Variants in KMT2C observed in about 807,000 individuals in gnomAD.
The protein encoded by KMT2C is histone-lysine N-methyltransferase 2C.
Under a neutral mutation model 507.9 loss-of-function variants are expected in KMT2C, and 88 were observed. That is an observed-to-expected ratio of 0.17 (90% CI 0.15 to 0.21). The LOEUF (loss-of-function observed/expected upper bound fraction) is 0.21, where lower values mean the gene tolerates loss of function less well. Ranked by LOEUF, KMT2C falls within the 10% of genes least tolerant of loss-of-function variation. The pLI is 1.00. For synonymous variants in KMT2C, 2,049 were observed against 2,080.8 expected (o/e 0.98, Z 0.42); for missense variants, 4,954 against 5,957.8 (o/e 0.83, Z 5.55).
chr7:152,424,425 T>G (rs1022236896), intron 1 of KMT2C, among the ~76,000 whole-genome samples: 28 of 152,132 alleles, frequency 1.8e-4, no homozygotes, highest in Non-Finnish European at 3.2e-4. Flanking sequence ...AATCTTTTTT[T>G]TGTGTGTGAG....
chr7:152,365,298 G>A (rs1179235576), intron 1 of KMT2C, among the ~76,000 whole-genome samples: 1 of 152,166 alleles, frequency 6.6e-6, no homozygotes, highest in Non-Finnish European at 1.5e-5. Flanking sequence ...ATCACCTGAG[G>A]TCGAGTTCGA....
intron 1 of KMT2C, among the ~76,000 whole-genome samples, chr7:152,398,823 A>C (rs1422772716): frequency 6.6e-6 from 1 of 151,952 alleles, no homozygotes; most frequent in Non-Finnish European, 1.5e-5. Context: ...AACACACATA[A>C]TGAGTACTCA....
chr7:152,237,356 G>A (rs1189622199), intron 15 of KMT2C, among the ~76,000 whole-genome samples: 1 of 152,202 alleles, frequency 6.6e-6, no homozygotes, highest in Non-Finnish European at 1.5e-5. Flanking sequence ...CCCTTTGGAT[G>A]TAACAAATAC....
Position 152,179,666 on chromosome 7 carries a change from G to T in KMT2C, c.7442+168C>A, listed in dbSNP as rs569646736. On this transcript the variant is annotated intron_variant, in intron 37 of 58. Transcript: ENST00000262189. ...TAAATTTGTTGAAGAGGTTGGGGGG[G>T]GGGGGGGGTGGTCTCACTATATTGC... Among the ~76,000 whole-genome samples the T allele has an allele frequency of 3.6e-4, 52 of 144,064 alleles. 1 individual carries two copies. The highest frequency in any genetic ancestry group is 3.5e-3 in the Middle Eastern group (1 of 282). 94.5% of individuals were successfully genotyped at this position (144,064 alleles called of 152,430 possible).
At chr7:152,140,311 T>C (rs2090393571) in intron 55 of KMT2C, among the ~76,000 whole-genome samples, 2 of 152,272 alleles carry the variant, frequency 1.3e-5, no homozygotes, top group South Asian at 2.1e-4. Context: ...GCTGTAAATA[T>C]CAGGAATGTT....
In KMT2C at chr7:152,385,466, G is replaced by T. The variant is rs1360762875; in HGVS notation, c.162-26791C>A. ...TCTCTACTAAAAATACAAAAAATTAGCCGGGCGTAGTGGCGGGCGCCTGTA... is the reference window on the plus strand; with the variant it reads ...TCTCTACTAAAAATACAAAAAATTATCCGGGCGTAGTGGCGGGCGCCTGTA... On this transcript the variant is annotated intron_variant, in intron 1 of 58. Transcript: ENST00000262189. Among the ~76,000 whole-genome samples, 2 of 133,040 alleles carry T rather than the reference G, an allele frequency of 1.5e-5. 1 individual carries two copies. Among genetic ancestry groups the T allele is most frequent in the African/African-American group, 7.5e-5 (2 of 26,702 alleles). The allele number at this position is 133,040 out of a possible 152,430, so 87.3% of individuals were successfully genotyped here. A position where few individuals can be genotyped will look rare whatever the true frequency, so the allele number is the denominator to read the frequency against.
chr7:152,293,059 C>G (rs1356171470), intron 6 of KMT2C, among the ~76,000 whole-genome samples: 1 of 152,042 alleles, frequency 6.6e-6, no homozygotes, highest in African/African-American at 2.4e-5. Context: ...CTTATACTAC[C>G]GAATAGAAAG....
intron 58 of KMT2C, chr7:152,137,151 C>CG (rs35113586): frequency 0.074 from 35,504 of 482,898 alleles, 4,188 homozygotes; most frequent in African/African-American, 0.36. Flanking sequence ...GATCTGAGAA[C>CG]GGGAGCCTGA....
In KMT2C at chr7:152,392,746, T is replaced by C. The variant is rs185594604; in HGVS notation, c.162-34071A>G. Among the ~76,000 whole-genome samples the C allele has an allele frequency of 3.2e-3, 485 of 152,144 alleles. 2 individuals are homozygous for C. Among genetic ancestry groups the C allele is most frequent in the African/African-American group, 0.011 (465 of 41,540 alleles). On this transcript the variant is annotated intron_variant, in intron 1 of 58. Coordinates refer to ENST00000262189, the MANE Select transcript of KMT2C (RefSeq NM_170606.3). ...AGTAATGGAGTTAAGGCTCAAAAAC[T>C]CTTCAGTATCTGATGAGAAAGCTCA...
At chr7:152,259,477 CACACACACACACAG>C (rs917899872) in intron 9 of KMT2C, among the ~76,000 whole-genome samples, 32 of 149,374 alleles carry the variant, frequency 2.1e-4, no homozygotes, top group Non-Finnish European at 3.9e-4. Flanking sequence ...CACACACACA[CACACACACACACAG>C]AGAAAGCAAG....
At chr7:152,166,766 G>C (rs2092747202) in intron 42 of KMT2C, among the ~76,000 whole-genome samples, 1 of 152,028 alleles carries the variant, frequency 6.6e-6, no homozygotes, top group South Asian at 2.1e-4. Flanking sequence ...CATGAGCTCG[G>C]TCCTCAGTTA....
intron 9 of KMT2C, among the ~76,000 whole-genome samples, chr7:152,254,050 G>C (rs79924163): frequency 0.013 from 1,986 of 152,210 alleles, 47 homozygotes; most frequent in African/African-American, 0.046. Flanking sequence ...CACTTAAAAA[G>C]AGAAACTACC....
In KMT2C at chr7:152,146,584, G is replaced by T; in HGVS notation, c.14031+15C>A. ...GAAAGCAATTCCAATCTCAAAGCCTGACCAAGACACTCACTGATTCCGCTA... is the reference window on the plus strand; with the variant it reads ...GAAAGCAATTCCAATCTCAAAGCCTTACCAAGACACTCACTGATTCCGCTA... On this transcript the variant is annotated intron_variant, in intron 53 of 58. Coordinates refer to ENST00000262189, the MANE Select transcript of KMT2C (RefSeq NM_170606.3). 1 of 1,613,622 alleles carries T rather than the reference G, an allele frequency of 6.2e-7. No homozygotes were observed. The highest frequency in any genetic ancestry group is 1.1e-5 in the South Asian group (1 of 91,020).
At chr7:152,411,209 G>A (rs869074526) in intron 1 of KMT2C, among the ~76,000 whole-genome samples, 3 of 149,112 alleles carry the variant, frequency 2.0e-5, no homozygotes, top group African/African-American at 7.4e-5. Context: ...CCTATGAAAA[G>A]AAACAAAAAC....
At chr7:152,287,168 C>T (rs1588918371) in intron 6 of KMT2C, among the ~76,000 whole-genome samples, 1 of 152,180 alleles carries the variant, frequency 6.6e-6, no homozygotes, top group African/African-American at 2.4e-5. Context: ...GAGTTCAACA[C>T]CCACCCAGTG....
At chr7:152,295,503 A>T (rs1000351974) in intron 6 of KMT2C, among the ~76,000 whole-genome samples, 1 of 152,204 alleles carries the variant, frequency 6.6e-6, no homozygotes, top group Non-Finnish European at 1.5e-5. Context: ...ATCTACTGAA[A>T]CTTACCCATC....
At chr7:152,240,257 T>C (rs2095358289) in intron 14 of KMT2C, among the ~76,000 whole-genome samples, 1 of 152,232 alleles carries the variant, frequency 6.6e-6, no homozygotes, top group Non-Finnish European at 1.5e-5. Flanking sequence ...TTCCCTACTA[T>C]TAGTAAGGAA....
intron 1 of KMT2C, among the ~76,000 whole-genome samples, chr7:152,363,917 C>A (rs1260555656): frequency 6.6e-6 from 1 of 152,168 alleles, no homozygotes; most frequent in Non-Finnish European, 1.5e-5. Context: ...CAGAAAGCTG[C>A]GAATCAACTG....
chr7:152,192,731 A>T (rs1426285036), intron 31 of KMT2C, among the ~76,000 whole-genome samples: 1 of 152,220 alleles, frequency 6.6e-6, no homozygotes, highest in Non-Finnish European at 1.5e-5. Flanking sequence ...ATGTATATAC[A>T]AAGTTGTTAG....
Sources: allele counts gnomAD v4.1 joint callset (sites outside exome capture counted in the v4.1 genomes callset), GRCh38; gene constraint gnomAD v4.1.1; transcripts MANE v1.5; gene names NCBI Gene and HGNC (gene_info 2026-07-23, HGNC 2026-07-21).